The following SLC35E4 variants were observed in gnomAD, a reference collection of about 807,000 sequenced individuals.
The protein encoded by SLC35E4 is solute carrier family 35, member E4.
In SLC35E4, 15 loss-of-function variants were observed where a neutral mutation model predicts 19.3. That is an observed-to-expected ratio of 0.78 (90% CI 0.52 to 1.20). SLC35E4 has a LOEUF of 1.20. SLC35E4 is among the 50% of genes most tolerant of loss of function. The probability of loss-of-function intolerance (pLI) is 0.00; values close to 1 mark genes in which losing one functional copy is unlikely to be tolerated. For missense variants in SLC35E4, 406 were observed against 472.3 expected (o/e 0.86, Z 1.30); for synonymous variants, 219 against 219.9 (o/e 1.00, Z 0.04).
chr22:30,659,586 G>A (rs182849651), intron 2 of SLC35E4, among the ~76,000 whole-genome samples: 1 of 152,062 alleles, frequency 6.6e-6, no homozygotes, highest in African/African-American at 2.4e-5. Flanking sequence ...TGGCCAGGGT[G>A]GTCTCGAACT....
At position 30,636,830 on chromosome 22, in the gene SLC35E4, G is replaced by A; in HGVS notation, c.380G>A (p.Gly127Asp). The A allele has an allele frequency of 6.2e-7, 1 of 1,612,970 alleles. No individual in the cohort carries two copies. Among genetic ancestry groups the A allele is most frequent in the Non-Finnish European group, 8.5e-7 (1 of 1,179,618 alleles). The change falls in exon 1 of 2, where the codon GGC becomes GAC. Residue 127 changes from glycine to aspartate, a missense_variant. Physicochemically the swap from Gly to Asp is moderately conservative, Grantham distance 94 (BLOSUM62 -1). Coordinates refer to ENST00000343605, the MANE Select transcript of SLC35E4 (RefSeq NM_001001479.4). ...FGTSMACGNV[G>D]LRAVPLDLAQ... Reference sequence around the variant, plus strand: ...ACGTCCATGGCCTGCGGCAACGTGGGCCTAAGGGCTGTGCCCCTGGACCTG... The same window carrying A: ...ACGTCCATGGCCTGCGGCAACGTGGACCTAAGGGCTGTGCCCCTGGACCTG...
At chr22:30,658,135 C>A (rs929329926) in intron 2 of SLC35E4, among the ~76,000 whole-genome samples, 5 of 150,754 alleles carry the variant, frequency 3.3e-5, no homozygotes, top group Admixed American at 2.6e-4. Context: ...TTAAAAAAAA[C>A]TGAATCTCTC....
At chr22:30,654,524 T>A in intron 2 of SLC35E4, 1 of 430,706 alleles carries the variant, frequency 2.3e-6, no homozygotes, top group South Asian at 1.7e-5. Flanking sequence ...TTGGGCGGCC[T>A]GGCTTCCTTG....
chr22:30,651,383 G>T (rs1255781816), downstream of SLC35E4, among the ~76,000 whole-genome samples: 1,775 of 30,780 alleles, frequency 0.058, 66 homozygotes, highest in East Asian at 0.34. Context: ...GTGTGTGTGT[G>T]TGTGTGTGTG....
At chr22:30,666,075 A>C (rs1244256537), downstream of SLC35E4, among the ~76,000 whole-genome samples, 1 of 152,224 alleles carries the variant, frequency 6.6e-6, no homozygotes, top group Non-Finnish European at 1.5e-5. Flanking sequence ...GGCTTGCTAC[A>C]GAGGTGATAT....
chr22:30,663,748 T>C (rs1318972538), downstream of SLC35E4: 7 of 1,613,984 alleles, frequency 4.3e-6, no homozygotes, highest in Non-Finnish European at 5.9e-6. Flanking sequence ...TGGTCAGCAA[T>C]AGGGTCAAAG....
chr22:30,641,717 AATT>A (rs569098498), intron 1 of SLC35E4, among the ~76,000 whole-genome samples: 4,228 of 73,744 alleles, frequency 0.057, 101 homozygotes, highest in African/African-American at 0.12. Context: ...GCTAATTTTT[AATT>A]TTTTTTTTTT....
chr22:30,644,487 TC>T (rs1464136166), intron 1 of SLC35E4, among the ~76,000 whole-genome samples: 1 of 152,150 alleles, frequency 6.6e-6, no homozygotes, highest in East Asian at 1.9e-4. Context: ...ACACCTGTAA[TC>T]CCAGCACTTT....
chr22:30,641,298 C>A (rs1198284187), intron 1 of SLC35E4, among the ~76,000 whole-genome samples: 4 of 152,196 alleles, frequency 2.6e-5, no homozygotes, highest in Non-Finnish European at 5.9e-5. Flanking sequence ...CATCTTGACT[C>A]CTGCCAGCTC....
intron 1 of SLC35E4, among the ~76,000 whole-genome samples, chr22:30,640,607 C>T (rs894576921): frequency 6.6e-6 from 1 of 152,164 alleles, no homozygotes; most frequent in Non-Finnish European, 1.5e-5. Flanking sequence ...ATCTGAGTCG[C>T]AGCCTCTATC....
intron 1 of SLC35E4, among the ~76,000 whole-genome samples, chr22:30,638,727 G>A (rs1431375595): frequency 2.0e-5 from 3 of 152,116 alleles, no homozygotes; most frequent in Admixed American, 1.3e-4. Context: ...TGAGAGAATC[G>A]CTTGAACCTG....
downstream of SLC35E4, chr22:30,663,988 A>G (rs2088566939): frequency 6.2e-7 from 1 of 1,613,200 alleles, no homozygotes; most frequent in Non-Finnish European, 8.5e-7. Context: ...GGGAAGGCAC[A>G]CGAGGGTGCT....
intron 2 of SLC35E4, chr22:30,654,176 G>A (rs2088286598): frequency 2.0e-5 from 5 of 246,638 alleles, no homozygotes; most frequent in South Asian, 8.6e-5. Flanking sequence ...AGTAGAGACT[G>A]GGTTTCACCA....
At position 30,636,861 on chromosome 22, in the gene SLC35E4, A is replaced by G. The variant is rs374902115; in HGVS notation, c.411A>G (p.Gln137=). The change falls in exon 1 of 2, where the codon CAA becomes CAG. Residue 137 remains glutamine (Q), a synonymous_variant. Coordinates refer to ENST00000343605, the MANE Select transcript of SLC35E4 (RefSeq NM_001001479.4). ...GLRAVPLDLA[Q]LVTTTTPLFT... ...GGGCTGTGCCCCTGGACCTGGCACA[A>G]CTGGTTACTACCACCACACCTCTGT... is the stretch of plus-strand genomic sequence containing the variant. The G allele has an allele frequency of 2.5e-6, 4 of 1,612,984 alleles. No homozygotes were observed. Among genetic ancestry groups the G allele is most frequent in the South Asian group, 1.1e-5 (1 of 90,976 alleles).
At position 30,660,121 on chromosome 22, in the gene SLC35E4, G is replaced by A. The variant is rs896673869; in HGVS notation, c.*9-1939G>A. 2.6e-5 allele frequency among the ~76,000 whole-genome samples: 4 copies of A among 152,310 alleles called. 1 individual carries two copies. Among genetic ancestry groups the A allele is most frequent in the Non-Finnish European group, 5.9e-5 (4 of 68,022 alleles). ...GGGAAAAACACATTTGGTTTTGGCC[G>A]TATGAAACGTGATTTGGACCTTGTG... On this transcript the variant is annotated intron_variant, in intron 2 of 2. Transcript: ENST00000406566.
At position 30,644,108 on chromosome 22, in the gene SLC35E4, G is replaced by A. The variant is rs190112018; in HGVS notation, c.620-2490G>A. The stretch of plus-strand genomic sequence containing the variant: ...CCCAACCGCCTTCTTGTGATGGGAC[G>A]TTTAATGTGCAAGCCACAGGTAGCT... On this transcript the variant is annotated intron_variant, in intron 1 of 1. Coordinates refer to ENST00000343605, the MANE Select transcript of SLC35E4 (RefSeq NM_001001479.4). 2.9e-3 allele frequency among the ~76,000 whole-genome samples: 440 copies of A among 152,302 alleles called. 1 individual carries two copies. Among genetic ancestry groups the A allele is most frequent in the Non-Finnish European group, 4.5e-3 (309 of 68,012 alleles).
intron 2 of SLC35E4, among the ~76,000 whole-genome samples, chr22:30,660,621 A>G (rs1408163173): frequency 1.3e-5 from 2 of 152,242 alleles, no homozygotes; most frequent in Non-Finnish European, 2.9e-5. Context: ...AACTTCCCAG[A>G]TATCTGAAAC....
chr22:30,639,330 T>G lies in SLC35E4; in HGVS notation c.619+2261T>G, dbSNP rs533477849. Among the ~76,000 whole-genome samples, 3 of 152,082 alleles carry G rather than the reference T, an allele frequency of 2.0e-5. No homozygotes were observed. The East Asian group carries it at 5.8e-4, about 29-fold the overall frequency. On this transcript the variant is annotated intron_variant, in intron 1 of 1. Transcript: ENST00000343605. ...ACGTGCTTCACAAGGTAATAGAATATCACAAGGCAAATGGAGGCAGGGCCA... is the reference window on the plus strand; with the variant it reads ...ACGTGCTTCACAAGGTAATAGAATAGCACAAGGCAAATGGAGGCAGGGCCA...
At chr22:30,654,795 G>A (rs539944153) in intron 2 of SLC35E4, 7 of 197,446 alleles carry the variant, frequency 3.5e-5, no homozygotes, top group South Asian at 3.2e-4. Flanking sequence ...ATTGAGCACC[G>A]GGACCTGCCC....
Sources: allele counts gnomAD v4.1 joint callset (sites outside exome capture counted in the v4.1 genomes callset), GRCh38; gene constraint gnomAD v4.1.1; transcripts MANE v1.5; gene names NCBI Gene and HGNC (gene_info 2026-07-23, HGNC 2026-07-21).